XKR4: variants seen among roughly 807,000 people sequenced by gnomAD.
XKR4 encodes the protein XK-related protein 4.
In XKR4, 12 loss-of-function variants were observed where a neutral mutation model predicts 53.9. The ratio of observed to expected loss-of-function variants is 0.22; its 90% CI spans 0.14 to 0.36. XKR4 has a LOEUF of 0.36. Among genes scored for constraint, XKR4 ranks in the 10% least tolerant of loss-of-function variants. The pLI, the probability that XKR4 is intolerant of heterozygous loss-of-function variation, is 1.00. For missense variants in XKR4, 799 were observed against 859.5 expected, an observed-to-expected ratio of 0.93 and a Z score of 0.88; for synonymous variants, 354 against 362.4, an observed-to-expected ratio of 0.98 and a Z score of 0.26.
chr8:55,430,758 T>C (rs1036446851), intron 2 of XKR4, among the ~76,000 whole-genome samples: 1 of 152,176 alleles, frequency 6.6e-6, no homozygotes, highest in African/African-American at 2.4e-5. Flanking sequence ...GTTGGTTTCT[T>C]CTGAGGCCTC....
Position 55,452,180 on chromosome 8 carries a change from G to A in XKR4, c.1007-71101G>A, listed in dbSNP as rs878993960. 7 of 725,400 alleles carry A rather than the reference G, an allele frequency of 9.6e-6. No individual in the cohort carries two copies. In the South Asian group the frequency reaches 1.0e-4, roughly 11 times the overall value. 44.9% of individuals were successfully genotyped at this position (725,400 alleles called of 1,614,324 possible). On this transcript the variant is annotated intron_variant, in intron 2 of 2. Transcript: ENST00000327381. ...GCTGCTTGCAGAAGAGCTCGGCACT[G>A]TCAGACCCCACCTCCTCATCAAAGG...
At chr8:55,267,311 C>T (rs1818620005) in intron 1 of XKR4, among the ~76,000 whole-genome samples, 1 of 152,144 alleles carries the variant, frequency 6.6e-6, no homozygotes, top group Admixed American at 6.5e-5. Flanking sequence ...TAGTAAGTAA[C>T]ATTTATGTGA....
At chr8:55,501,828 C>T (rs747229607) in intron 2 of XKR4, among the ~76,000 whole-genome samples, 1 of 152,068 alleles carries the variant, frequency 6.6e-6, no homozygotes, top group Non-Finnish European at 1.5e-5. Context: ...GCTTTCAGTT[C>T]TTTTGGGTAT....
chr8:55,453,647 G>A (rs971457083), intron 2 of XKR4: 5 of 423,048 alleles, frequency 1.2e-5, no homozygotes, highest in Non-Finnish European at 2.3e-5. Context: ...CCACTGCATG[G>A]CGCCCTCATC....
At chr8:55,427,096 A>C (rs1306807572) in intron 2 of XKR4, among the ~76,000 whole-genome samples, 1 of 152,218 alleles carries the variant, frequency 6.6e-6, no homozygotes, top group Non-Finnish European at 1.5e-5. Context: ...CTGTAGTACT[A>C]CATTTTGCAT....
chr8:55,485,356 A>C (rs868340471), intron 2 of XKR4, among the ~76,000 whole-genome samples: 3 of 152,236 alleles, frequency 2.0e-5, no homozygotes, highest in African/African-American at 4.8e-5. Flanking sequence ...TGAACAAAAA[A>C]TCCCAAGGAA....
intron 1 of XKR4, among the ~76,000 whole-genome samples, chr8:55,109,693 T>G (rs896403341): frequency 3.3e-5 from 5 of 152,190 alleles, no homozygotes; most frequent in Non-Finnish European, 7.3e-5. Flanking sequence ...AGTGTTTACT[T>G]CACAAGGGTA....
chr8:55,347,992 G>A (rs1457887733), intron 1 of XKR4, among the ~76,000 whole-genome samples: 1 of 152,054 alleles, frequency 6.6e-6, no homozygotes, highest in African/African-American at 2.4e-5. Flanking sequence ...AAACCTTAGT[G>A]AGCCCCAACC....
At chr8:55,131,407 AT>A (rs1278329962) in intron 1 of XKR4, among the ~76,000 whole-genome samples, 2 of 152,202 alleles carry the variant, frequency 1.3e-5, no homozygotes, top group African/African-American at 4.8e-5. Context: ...CTTTCTCTGA[AT>A]GAAGTGGAAA....
chr8:55,341,711 T>C (rs1199662692), intron 1 of XKR4, among the ~76,000 whole-genome samples: 1 of 152,194 alleles, frequency 6.6e-6, no homozygotes, highest in Non-Finnish European at 1.5e-5. Context: ...CCTAACCCCA[T>C]AGGTGGACAA....
chr8:55,289,580 G>A lies in XKR4; in HGVS notation c.807-68098G>A, dbSNP rs1313245277. 4.1e-3 allele frequency among the ~76,000 whole-genome samples: 353 copies of A among 85,974 alleles called. 3 individuals are homozygous for A. Among genetic ancestry groups the A allele is most frequent in the African/African-American group, 9.7e-3 (191 of 19,736 alleles). 56.4% of individuals were successfully genotyped at this position (85,974 alleles called of 152,430 possible). On this transcript the variant is annotated intron_variant, in intron 1 of 2. Coordinates refer to ENST00000327381, the MANE Select transcript of XKR4 (RefSeq NM_052898.2). ...AGGAAGGAAGGAAGGAGAGAGAAAG[G>A]AAGAAAGAAAGAGAAAGAAAGAAAG...
At chr8:55,212,971 A>C (rs1217042492) in intron 1 of XKR4, among the ~76,000 whole-genome samples, 1 of 152,234 alleles carries the variant, frequency 6.6e-6, no homozygotes, top group Admixed American at 6.5e-5. Context: ...ACACTGTGAG[A>C]TAAAGGTATT....
intron 1 of XKR4, among the ~76,000 whole-genome samples, chr8:55,201,069 GT>G (rs1442616806): frequency 6.6e-6 from 1 of 152,026 alleles, no homozygotes; most frequent in Non-Finnish European, 1.5e-5. Context: ...GTTATCTGTT[GT>G]TTTTTTAAGG....
At chr8:55,371,838 T>C (rs560461567) in intron 2 of XKR4, among the ~76,000 whole-genome samples, 1 of 152,382 alleles carries the variant, frequency 6.6e-6, no homozygotes, top group South Asian at 2.1e-4. Context: ...ATCAGCTCTA[T>C]GGTATATCAA....
At chr8:55,495,625 G>A (rs1806333529) in intron 2 of XKR4, among the ~76,000 whole-genome samples, 1 of 152,208 alleles carries the variant, frequency 6.6e-6, no homozygotes, top group Non-Finnish European at 1.5e-5. Flanking sequence ...TTCCCCCCCA[G>A]GCCCTCCCCA....
At chr8:55,374,816 C>T (rs1383820445) in intron 2 of XKR4, among the ~76,000 whole-genome samples, 1 of 152,154 alleles carries the variant, frequency 6.6e-6, no homozygotes, top group Non-Finnish European at 1.5e-5. Flanking sequence ...GAGAGGGCAT[C>T]GTGGTAGCAA....
chr8:55,103,699 C>T (rs538306038), intron 1 of XKR4, among the ~76,000 whole-genome samples: 1 of 151,450 alleles, frequency 6.6e-6, no homozygotes, highest in African/African-American at 2.4e-5. Context: ...TGTGTGTTGC[C>T]ATTTGGATGG....
chr8:55,157,777 T>C (rs191781307), intron 1 of XKR4, among the ~76,000 whole-genome samples: 6 of 152,360 alleles, frequency 3.9e-5, no homozygotes, highest in Admixed American at 1.3e-4. Context: ...ATGCAGTATT[T>C]GGTTTTCTGT....
chr8:55,375,375 G>C (rs1361128568), intron 2 of XKR4, among the ~76,000 whole-genome samples: 3 of 152,136 alleles, frequency 2.0e-5, no homozygotes, highest in African/African-American at 7.2e-5. Context: ...AAATTTATCA[G>C]AAAAGAGTTC....
Sources: allele counts gnomAD v4.1 joint callset (sites outside exome capture counted in the v4.1 genomes callset), GRCh38; gene constraint gnomAD v4.1.1; transcripts MANE v1.5; gene names NCBI Gene and HGNC (gene_info 2026-07-23, HGNC 2026-07-21).